ZNF503: variants seen among roughly 807,000 people sequenced by gnomAD.
ZNF503 encodes zinc finger protein 503.
ZNF503 carries 15 observed loss-of-function variants against 34.4 expected under a neutral mutation model. The ratio of observed to expected loss-of-function variants is 0.44; its 90% confidence interval spans 0.29 to 0.67. The LOEUF (loss-of-function observed/expected upper bound fraction) is 0.67, where lower values mean the gene tolerates loss of function less well. ZNF503 is among the 30% of genes least tolerant of loss of function. The probability of loss-of-function intolerance (pLI) is 0.13; values close to 1 mark genes in which losing one functional copy is unlikely to be tolerated. For missense variants in ZNF503, 1,007 were observed against 926.8 expected (o/e 1.09, Z -1.12); for synonymous variants, 580 against 456.8 (o/e 1.27, Z -3.44).
At chr10:75,387,849 C>T in the ZNF503 span, among the ~76,000 whole-genome samples, 1 of 152,282 alleles carries the variant, frequency 6.6e-6, no homozygotes, top group African/African-American at 2.4e-5. Flanking sequence ...GGTACAATGT[C>T]AGGGGTAAGA....
chr10:75,372,368 G>A, the ZNF503 span, among the ~76,000 whole-genome samples: 1 of 152,234 alleles, frequency 6.6e-6, no homozygotes, highest in Non-Finnish European at 1.5e-5. Context: ...AGAGAGGGAG[G>A]TGAACAAGTA....
chr10:75,400,249 G>T lies in ZNF503; in HGVS notation c.441C>A (p.Ala147=). The change falls in exon 2 of 2, where the codon GCC becomes GCA. Residue 147 remains alanine, a synonymous_variant. Transcript: ENST00000372524. ...CCTTGTCGCCCGCAGCACCGCCGCC[G>T]GCACCGCCCGCGCCGCCCCCGTTGG... is the stretch of plus-strand genomic sequence containing the variant. ...VASNGGGAGG[A]GGGAAGDKDT... 6.2e-7 allele frequency: 1 copy of T among 1,612,128 alleles called. No individual in the cohort carries two copies. The highest frequency in any genetic ancestry group is 8.5e-7 in the Non-Finnish European group (1 of 1,179,502).
At chr10:75,342,541 C>A in the ZNF503 span, among the ~76,000 whole-genome samples, 1 of 152,070 alleles carries the variant, frequency 6.6e-6, no homozygotes, top group Non-Finnish European at 1.5e-5. Context: ...GAGATGGGTG[C>A]CATCGCTTGG....
chr10:75,362,430 C>G, the ZNF503 span, among the ~76,000 whole-genome samples: 5 of 152,100 alleles, frequency 3.3e-5, no homozygotes, highest in Non-Finnish European at 7.3e-5. Context: ...GAAGTCCCAC[C>G]GTGACTGCCA....
chr10:75,313,685 A>G, the ZNF503 span, among the ~76,000 whole-genome samples: 4 of 152,060 alleles, frequency 2.6e-5, no homozygotes, highest in African/African-American at 9.7e-5. Flanking sequence ...ATGCTCTGCA[A>G]CTCTTCCCCC....
At chr10:75,343,443 C>G in the ZNF503 span, 1 of 152,282 alleles carries the variant, frequency 6.6e-6, no homozygotes, top group East Asian at 1.9e-4. Context: ...AGGGTGGAAA[C>G]AGCTGGGCCA....
chr10:75,381,961 C>T, the ZNF503 span, among the ~76,000 whole-genome samples: 4 of 151,630 alleles, frequency 2.6e-5, no homozygotes, highest in African/African-American at 4.8e-5. Context: ...CATAAGCCAC[C>T]GTGCTCAACT....
chr10:75,307,073 A>G, the ZNF503 span, among the ~76,000 whole-genome samples: 1 of 152,266 alleles, frequency 6.6e-6, no homozygotes, highest in South Asian at 2.1e-4. Flanking sequence ...TGAAAGAAAG[A>G]GCCGCACACT....
rs771380612 is a variant in ZNF503 at position 75,399,762 on chromosome 10, C to G, written c.928G>C (p.Asp310His). ...CTGGAGCCCGATGAACCGCCGCAGT[C>G]CGAGCCCAGAGCCTTGCCTCCCGGG... ...GGPGGKALGS[D>H]CGGSSGSSSG... Residue 310 changes from aspartate to histidine, a missense_variant, in exon 2 of 2, where the codon GAC becomes CAC. By Grantham distance (81) the Asp-to-His change is moderately conservative (BLOSUM62 -1). Coordinates refer to ENST00000372524, the MANE Select transcript of ZNF503 (RefSeq NM_032772.6). The G allele has an allele frequency of 3.8e-6, 6 of 1,593,046 alleles. No individual in the cohort carries two copies. In the South Asian group the frequency reaches 6.7e-5, roughly 18 times the overall value.
the ZNF503 span, among the ~76,000 whole-genome samples, chr10:75,342,310 G>C: frequency 6.6e-5 from 10 of 152,166 alleles, no homozygotes; most frequent in South Asian, 1.3e-3. Flanking sequence ...TTGTTTTTTT[G>C]GTCAGGTTCC....
chr10:75,350,122 G>A, the ZNF503 span, among the ~76,000 whole-genome samples: 48,701 of 152,138 alleles, frequency 0.32, 8,128 homozygotes, highest in South Asian at 0.4. Flanking sequence ...ACAGTTTCAG[G>A]AAGGACACTA....
chr10:75,327,242 C>T, the ZNF503 span, among the ~76,000 whole-genome samples: 1 of 145,204 alleles, frequency 6.9e-6, no homozygotes, highest in South Asian at 2.2e-4. Flanking sequence ...ACCCACCCTG[C>T]CCCTGGCCCC....
At chr10:75,356,848 C>A in the ZNF503 span, among the ~76,000 whole-genome samples, 1 of 152,192 alleles carries the variant, frequency 6.6e-6, no homozygotes, top group East Asian at 1.9e-4. Context: ...AATAACTCCT[C>A]CCCCGGGAGG....
At chr10:75,321,086 T>G in the ZNF503 span, among the ~76,000 whole-genome samples, 69,493 of 151,944 alleles carry the variant, frequency 0.46, 16,460 homozygotes, top group South Asian at 0.57. Context: ...GTGATAGAGT[T>G]CATGAGATCT....
chr10:75,388,523 CAA>C, the ZNF503 span, among the ~76,000 whole-genome samples: 84 of 152,286 alleles, frequency 5.5e-4, no homozygotes, highest in African/African-American at 1.9e-3. Context: ...TGCAGTGTAG[CAA>C]AGAGTGAAAG....
chr10:75,363,022 C>G, the ZNF503 span, among the ~76,000 whole-genome samples: 1 of 151,920 alleles, frequency 6.6e-6, no homozygotes, highest in Non-Finnish European at 1.5e-5. Context: ...TCCTATTAGA[C>G]AGCAGCGGAG....
the ZNF503 span, among the ~76,000 whole-genome samples, chr10:75,297,840 C>A: frequency 6.6e-6 from 1 of 152,120 alleles, no homozygotes; most frequent in Non-Finnish European, 1.5e-5. Flanking sequence ...TACCCCAGTA[C>A]CTCCTATCCT....
Position 75,399,892 on chromosome 10 carries a change from G to T in ZNF503, c.798C>A (p.Gly266=). 6.2e-7 allele frequency: 1 copy of T among 1,602,276 alleles called. No individual in the cohort carries two copies. Residue 266 remains glycine, a synonymous_variant, in exon 2 of 2, where the codon GGC becomes GGA. Transcript: ENST00000372524. The part of the protein sequence containing the change: ...KDTDVGGGGK[G]TGGASAEGGP... ...CCCCTTCGGCCGAGGCGCCCCCGGTGCCCTTGCCACCGCCGCCCACGTCGG... is the reference window on the plus strand; with the variant it reads ...CCCCTTCGGCCGAGGCGCCCCCGGTTCCCTTGCCACCGCCGCCCACGTCGG...
chr10:75,281,852 A>G, the ZNF503 span, among the ~76,000 whole-genome samples: 2 of 152,194 alleles, frequency 1.3e-5, no homozygotes, highest in Non-Finnish European at 2.9e-5. Flanking sequence ...AGGGGTGTTG[A>G]GGTAGGCAGA....
Sources: gnomAD v4.1 joint callset for allele counts (sites outside exome capture counted in the v4.1 genomes callset) on GRCh38, gnomAD v4.1.1 for gene constraint, MANE v1.5 for transcripts, NCBI Gene and HGNC (gene_info 2026-07-23, HGNC 2026-07-21) for gene names.